KANSL1L: variants seen among roughly 807,000 people sequenced by gnomAD.
The protein encoded by KANSL1L is KAT8 regulatory NSL complex subunit 1-like protein.
KANSL1L carries 25 observed loss-of-function variants against 108.6 expected under a neutral mutation model. That is an observed-to-expected ratio of 0.23 (90% CI 0.17 to 0.32). The LOEUF (loss-of-function observed/expected upper bound fraction) is 0.32, where lower values mean the gene tolerates loss of function less well. KANSL1L is among the 10% of genes least tolerant of loss of function. The probability of loss-of-function intolerance (pLI) is 1.00; values close to 1 mark genes in which losing one functional copy is unlikely to be tolerated. For missense variants in KANSL1L, 1,137 were observed against 1,125.7 expected (o/e 1.01, Z -0.14); for synonymous variants, 405 against 395.1 (o/e 1.03, Z -0.30).
At chr2:210,060,812 A>G (rs1296186961) in intron 6 of KANSL1L, among the ~76,000 whole-genome samples, 1 of 152,270 alleles carries the variant, frequency 6.6e-6, no homozygotes, top group Non-Finnish European at 1.5e-5. Context: ...AACCACCATG[A>G]TGGGGATAAT....
At chr2:210,134,616 G>C (rs997938933) in intron 2 of KANSL1L, among the ~76,000 whole-genome samples, 2 of 152,060 alleles carry the variant, frequency 1.3e-5, no homozygotes, top group African/African-American at 4.8e-5. Context: ...AGCATGTGTA[G>C]AGTAGCCACT....
chr2:210,064,817 CAAAAAAAA>C, intron 6 of KANSL1L, among the ~76,000 whole-genome samples: 1 of 42,260 alleles, frequency 2.4e-5, no homozygotes, highest in East Asian at 6.8e-4. Context: ...CCTCCCCCAC[CAAAAAAAA>C]AAAAAAAAAA....
At chr2:210,128,022 A>C (rs1206979864) in intron 3 of KANSL1L, among the ~76,000 whole-genome samples, 1 of 152,138 alleles carries the variant, frequency 6.6e-6, no homozygotes, top group Non-Finnish European at 1.5e-5. Context: ...GATGTTCAAC[A>C]TCATTAATCA....
Position 210,079,644 on chromosome 2 carries a change from A to ATGTATGTG in KANSL1L, c.1551-3889_1551-3888insCACATACA, listed in dbSNP as rs1276428655. ...TATATATATATATATATATATATAT[A>ATGTATGTG]TATATATATATATATATATATGTAT... On this transcript the variant is annotated intron_variant, in intron 5 of 14. Coordinates refer to ENST00000281772, the MANE Select transcript of KANSL1L (RefSeq NM_152519.4). Among the ~76,000 whole-genome samples the ATGTATGTG allele has an allele frequency of 9.4e-3, 84 of 8,976 alleles. 5 individuals carry two copies. Among genetic ancestry groups the ATGTATGTG allele is most frequent in the Middle Eastern group, 0.083 (1 of 12 alleles). The allele number at this position is 8,976 out of a possible 152,430, so 5.9% of individuals were successfully genotyped here. A position where few individuals can be genotyped will look rare whatever the true frequency, so the allele number is the denominator to read the frequency against.
At chr2:210,082,909 A>C (rs1355033263) in intron 5 of KANSL1L, among the ~76,000 whole-genome samples, 4 of 152,188 alleles carry the variant, frequency 2.6e-5, no homozygotes, top group Non-Finnish European at 4.4e-5. Context: ...CACACCCACT[A>C]AACTGGGTTG....
At chr2:210,161,388 T>A (rs2095360635) in intron 1 of KANSL1L, among the ~76,000 whole-genome samples, 1 of 151,960 alleles carries the variant, frequency 6.6e-6, no homozygotes, top group Admixed American at 6.5e-5. Flanking sequence ...GAAAAAAAAA[T>A]GAAACTGAAT....
chr2:210,039,660 A>G (rs1188449901), intron 8 of KANSL1L, among the ~76,000 whole-genome samples: 1 of 151,798 alleles, frequency 6.6e-6, no homozygotes, highest in Non-Finnish European at 1.5e-5. Flanking sequence ...CATAGAACTC[A>G]CCCACATTTA....
intron 6 of KANSL1L, among the ~76,000 whole-genome samples, chr2:210,074,631 A>C (rs1340908467): frequency 6.6e-6 from 1 of 152,230 alleles, no homozygotes; most frequent in Admixed American, 6.5e-5. Context: ...CTGGGATTAC[A>C]GGAATAAGCC....
At chr2:210,164,253 T>C (rs1341733553) in intron 1 of KANSL1L, among the ~76,000 whole-genome samples, 2 of 152,170 alleles carry the variant, frequency 1.3e-5, no homozygotes, top group Non-Finnish European at 2.9e-5. Context: ...ACTACTATAT[T>C]TCAGTCCCCC....
rs115739981 is a variant in KANSL1L, at chr2:210,037,636, C to T, written c.2029+2784G>A. On this transcript the variant is annotated intron_variant, in intron 8 of 14. Coordinates refer to ENST00000281772, the MANE Select transcript of KANSL1L (RefSeq NM_152519.4). ...AACTCCCGTATACCTATCCTTCCGT[C>T]TCAGCAGTGAACAACTTATAACCAA... Among the ~76,000 whole-genome samples, 1,424 of 152,270 alleles carry T rather than the reference C, an allele frequency of 9.4e-3. 21 individuals carry two copies. Among genetic ancestry groups the T allele is most frequent in the African/African-American group, 0.029 (1,221 of 41,558 alleles).
chr2:210,046,869 G>A (rs921537166), intron 6 of KANSL1L, among the ~76,000 whole-genome samples: 3 of 152,094 alleles, frequency 2.0e-5, no homozygotes, highest in East Asian at 1.9e-4. Context: ...CTGCCTACAG[G>A]GTTGGCCATC....
Position 210,153,560 on chromosome 2 carries a change from G to A in KANSL1L, c.1023C>T (p.Ser341=), listed in dbSNP as rs774928921. 86 of 1,613,768 alleles carry A rather than the reference G, an allele frequency of 5.3e-5. No individual in the cohort carries two copies. Among genetic ancestry groups the A allele is most frequent in the South Asian group, 5.3e-4 (48 of 91,068 alleles). The change falls in exon 2 of 15, where the codon TCC becomes TCT. Residue 341 remains serine (S), a synonymous_variant. Coordinates refer to ENST00000281772, the MANE Select transcript of KANSL1L (RefSeq NM_152519.4). ...LLSHVEEGLD[S]DATDSSSDDD... Reference sequence around the variant, plus strand: ...CATCAGAGCTGCTATCAGTTGCATCGGAATCCAAACCCTCTTCAACATGAG... The same window carrying A: ...CATCAGAGCTGCTATCAGTTGCATCAGAATCCAAACCCTCTTCAACATGAG...
intron 3 of KANSL1L, among the ~76,000 whole-genome samples, chr2:210,121,938 AG>A (rs1355371863): frequency 2.0e-5 from 3 of 152,208 alleles, no homozygotes; most frequent in African/African-American, 7.2e-5. Flanking sequence ...ACTCATTTAC[AG>A]TAGATACAAA....
rs112989907 is a variant in KANSL1L at position 210,154,424 on chromosome 2, A to G, written c.159T>C (p.Thr53=). The G allele has an allele frequency of 6.2e-7, 1 of 1,613,352 alleles. No homozygotes were observed. The highest frequency in any genetic ancestry group is 8.5e-7 in the Non-Finnish European group (1 of 1,179,620). The part of the protein sequence containing the change: ...DTFSQMLGFP[T]PEPTLNTNFV... ...AATTAGTATTAAGAGTAGGTTCAGG[A>G]GTTGGAAATCCAAGCATCTGAGAAA... is the stretch of plus-strand genomic sequence containing the variant. Residue 53 remains threonine (T), a synonymous_variant, in exon 2 of 15, where the codon ACT becomes ACC. Transcript: ENST00000281772.
intron 13 of KANSL1L, among the ~76,000 whole-genome samples, chr2:210,024,632 T>A (rs1466028857): frequency 6.6e-6 from 1 of 152,080 alleles, no homozygotes; most frequent in African/African-American, 2.4e-5. Flanking sequence ...TATTTCCCCT[T>A]CCCTCAAAGC....
chr2:210,152,453 C>G (rs890627443), intron 2 of KANSL1L: 1 of 152,276 alleles, frequency 6.6e-6, no homozygotes, highest in East Asian at 1.9e-4. Flanking sequence ...TTCTATTGGA[C>G]AGAGTTGGTC....
chr2:210,116,577 G>A (rs532686712), intron 3 of KANSL1L, among the ~76,000 whole-genome samples: 2 of 152,252 alleles, frequency 1.3e-5, no homozygotes, highest in African/African-American at 4.8e-5. Context: ...GAAAGTAAGG[G>A]AAGAGAACAG....
chr2:210,114,582 C>T (rs1053023057), intron 3 of KANSL1L, among the ~76,000 whole-genome samples: 2 of 152,038 alleles, frequency 1.3e-5, no homozygotes, highest in Non-Finnish European at 2.9e-5. Context: ...TATTGTAACA[C>T]TAGTTTGTAA....
intron 5 of KANSL1L, among the ~76,000 whole-genome samples, chr2:210,097,612 A>G (rs2094749934): frequency 6.6e-6 from 1 of 152,202 alleles, no homozygotes; most frequent in African/African-American, 2.4e-5. Flanking sequence ...GTTATTAATT[A>G]TAGTAAAAAA....
Sources: allele counts gnomAD v4.1 joint callset (sites outside exome capture counted in the v4.1 genomes callset), GRCh38; gene constraint gnomAD v4.1.1; transcripts MANE v1.5; gene names NCBI Gene and HGNC (gene_info 2026-07-23, HGNC 2026-07-21).